TNFSF14: variants seen among roughly 807,000 people sequenced by gnomAD.
TNFSF14 encodes tumor necrosis factor ligand superfamily member 14.
TNFSF14 carries 15 observed loss-of-function variants against 22.7 expected under a neutral mutation model. The ratio of observed to expected loss-of-function variants is 0.66; its 90% CI spans 0.44 to 1.02. The LOEUF (loss-of-function observed/expected upper bound fraction) is 1.02. Among genes scored for constraint, TNFSF14 ranks in the 50% least tolerant of loss-of-function variants. The pLI is 0.00. For synonymous variants in TNFSF14, 133 were observed against 139.6 expected (o/e 0.95, Z 0.33); for missense variants, 287 against 326.2 (o/e 0.88, Z 0.93).
chr19:6,665,701 G>A (rs1217722912), intron 3 of TNFSF14, among the ~76,000 whole-genome samples: 1 of 151,820 alleles, frequency 6.6e-6, no homozygotes, highest in Non-Finnish European at 1.5e-5. Context: ...GAGCCACCAC[G>A]CCCGGCCTCA....
intron 1 of TNFSF14, among the ~76,000 whole-genome samples, chr19:6,669,354 A>G (rs1568203991): frequency 6.6e-6 from 1 of 152,156 alleles, no homozygotes; most frequent in Non-Finnish European, 1.5e-5. Context: ...GTGGTGGCGC[A>G]TGCCTGTAAT....
In TNFSF14 at chr19:6,667,442, G is replaced by T; in HGVS notation, c.227C>A (p.Pro76His). 6.4e-7 allele frequency: 1 copy of T among 1,563,616 alleles called. No individual in the cohort carries two copies. The highest frequency in any genetic ancestry group is 8.6e-7 in the Non-Finnish European group (1 of 1,163,718). Residue 76 changes from proline (P) to histidine (H), a missense_variant, in exon 2 of 4, where the codon CCT (proline) becomes CAT (histidine). Physicochemically the swap from Pro to His is moderately conservative, Grantham distance 77. Coordinates refer to ENST00000675206, the MANE Select transcript of TNFSF14 (RefSeq NM_001376887.1). ...GEMVTRLPDGPAGSWEQLIQE... is the reference protein window; with the variant it reads ...GEMVTRLPDGHAGSWEQLIQE... Reference sequence around the variant, plus strand: ...TATCAGCTGCTCCCAGGAGCCTGCAGGTCCGTCCTGAAAATGCAGAAGGGG... The same window carrying T: ...TATCAGCTGCTCCCAGGAGCCTGCATGTCCGTCCTGAAAATGCAGAAGGGG...
chr19:6,670,182 G>A (rs1017847386), upstream of TNFSF14: 61 of 1,488,334 alleles, frequency 4.1e-5, no homozygotes, highest in Middle Eastern at 4.0e-4. Context: ...CCCGTGGGCC[G>A]CCTTTAGAGC....
At chr19:6,668,921 A>T (rs1261726803) in intron 1 of TNFSF14, among the ~76,000 whole-genome samples, 1 of 152,196 alleles carries the variant, frequency 6.6e-6, no homozygotes, top group Non-Finnish European at 1.5e-5. Context: ...ACGTGAATAC[A>T]CCGGCTGCAG....
chr19:6,661,981 T>G lies in TNFSF14; in HGVS notation c.*2945A>C, dbSNP rs1665933854. On this transcript the variant is annotated 3_prime_UTR_variant, in exon 4 of 4. Coordinates refer to ENST00000675206, the MANE Select transcript of TNFSF14 (RefSeq NM_001376887.1). The stretch of plus-strand genomic sequence containing the variant: ...ACTGCAATCTATCACATGTGATGAG[T>G]TGTGGAATTTCCCACTTGTGGCATC... 6.6e-6 allele frequency: 1 copy of G among 152,268 alleles called. No homozygotes were observed. Among genetic ancestry groups the G allele is most frequent in the Admixed American group, 6.5e-5 (1 of 15,286 alleles). The allele number at this position is 152,268 out of a possible 1,614,324, so 9.4% of individuals were successfully genotyped here.
chr19:6,669,755 C>T, intron 1 of TNFSF14, 96 bp downstream of exon 1: 1 of 1,524,130 alleles, frequency 6.6e-7, no homozygotes, highest in Non-Finnish European at 8.8e-7. Flanking sequence ...CACACACACA[C>T]ACACACACAC....
In TNFSF14 at chr19:6,663,744, A is replaced by G. The variant is rs1390892293; in HGVS notation, c.*1182T>C. ...TCTGGCACTTCGCGTGTATGAGTCT[A>G]TAGTTGTGAAAGAGTGGCTGAGATT... On this transcript the variant is annotated 3_prime_UTR_variant, in exon 4 of 4. Transcript: ENST00000675206. The G allele has an allele frequency of 6.6e-6, 1 of 152,360 alleles. No homozygotes were observed. The highest frequency in any genetic ancestry group is 1.5e-5 in the Non-Finnish European group (1 of 68,040). 9.4% of individuals were successfully genotyped at this position (152,360 alleles called of 1,614,324 possible). A position where few individuals can be genotyped will look rare whatever the true frequency, so the allele number is the denominator to read the frequency against.
intron 1 of TNFSF14, 117 bp downstream of exon 1, chr19:6,669,734 T>C (rs1356560028): frequency 7.4e-7 from 1 of 1,360,024 alleles, no homozygotes; most frequent in African/African-American, 1.6e-5. Flanking sequence ...CTGTGCCCTG[T>C]CCTACACACA....
chr19:6,667,264 T>C (rs1599487599), intron 2 of TNFSF14, 110 bp from the exon 3 acceptor site: 1 of 1,434,678 alleles, frequency 7.0e-7, no homozygotes. Context: ...CCTTCCGGAG[T>C]GACCCAAACT....
intron 1 of TNFSF14, among the ~76,000 whole-genome samples, chr19:6,669,612 C>T (rs1306676163): frequency 6.6e-6 from 1 of 152,112 alleles, no homozygotes; most frequent in Non-Finnish European, 1.5e-5. Flanking sequence ...CATACTTCGT[C>T]CCCTATGAAG....
chr19:6,669,452 C>T (rs992877561), intron 1 of TNFSF14, among the ~76,000 whole-genome samples: 6 of 152,164 alleles, frequency 3.9e-5, no homozygotes, highest in Admixed American at 3.3e-4. Flanking sequence ...CATTGCACTC[C>T]AGCCTGGGCA....
chr19:6,662,975 T>A lies in TNFSF14; in HGVS notation c.*1951A>T, dbSNP rs1917284875. 6.6e-6 allele frequency: 1 copy of A among 152,370 alleles called. No individual in the cohort carries two copies. The highest frequency in any genetic ancestry group is 3.4e-3 in the Middle Eastern group (1 of 294). 9.4% of individuals were successfully genotyped at this position (152,370 alleles called of 1,614,324 possible). On this transcript the variant is annotated 3_prime_UTR_variant, in exon 4 of 4. Coordinates refer to ENST00000675206, the MANE Select transcript of TNFSF14 (RefSeq NM_001376887.1). The stretch of plus-strand genomic sequence containing the variant: ...GGGTCCAGGTTCCTCATCTGTAGAA[T>A]GACCTCCATGGGTCATTACCTCCAT...
chr19:6,666,446 A>T (rs1917430612), intron 3 of TNFSF14, among the ~76,000 whole-genome samples: 2 of 152,000 alleles, frequency 1.3e-5, no homozygotes, highest in Non-Finnish European at 2.9e-5. Flanking sequence ...AAAACCAAGA[A>T]ACCAAAGCGG....
At position 6,666,350 on chromosome 19, in the gene TNFSF14, C is replaced by T. The variant is rs138831688; in HGVS notation, c.298+763G>A. ...CTGGCAAGTTGAGGGTGCCGTGAGCCGTGATAGCACCACTCCAGCCTAGTT... is the reference window on the plus strand; with the variant it reads ...CTGGCAAGTTGAGGGTGCCGTGAGCTGTGATAGCACCACTCCAGCCTAGTT... On this transcript the variant is annotated intron_variant, in intron 3 of 3. Coordinates refer to ENST00000675206, the MANE Select transcript of TNFSF14 (RefSeq NM_001376887.1). Among the ~76,000 whole-genome samples the T allele has an allele frequency of 8.2e-5, 12 of 146,130 alleles. No homozygotes were observed. In the East Asian group the frequency reaches 1.8e-3, roughly 22 times the overall value.
chr19:6,669,231 C>G (rs1917521037), intron 1 of TNFSF14, among the ~76,000 whole-genome samples: 1 of 152,210 alleles, frequency 6.6e-6, no homozygotes, highest in Non-Finnish European at 1.5e-5. Context: ...CACCTGTAAT[C>G]CCAGCACTTT....
chr19:6,663,818 A>G lies in TNFSF14; in HGVS notation c.*1108T>C, dbSNP rs1917322970. ...TGGGATGCCATAGGTGTGACTGTAG[A>G]GTCATTCTTCCTTCCTTTCAATCAG... On this transcript the variant is annotated 3_prime_UTR_variant, in exon 4 of 4. Transcript: ENST00000675206. The G allele has an allele frequency of 6.6e-6, 1 of 152,234 alleles. No individual in the cohort carries two copies. The highest frequency in any genetic ancestry group is 6.6e-5 in the Admixed American group (1 of 15,266). The allele number at this position is 152,234 out of a possible 1,614,324, so 9.4% of individuals were successfully genotyped here. A position where few individuals can be genotyped will look rare whatever the true frequency, so the allele number is the denominator to read the frequency against.
chr19:6,665,184 C>G lies in TNFSF14; in HGVS notation c.465G>C (p.Pro155=). ...GGGTGATGGTGCTGGCCAGGCCCAG[C>G]GGGCAGCCCACACCGCCCAGCTGCA... ...SKVQLGGVGC[P]LGLASTITHG... The change falls in exon 4 of 4, where the codon CCG becomes CCC. Residue 155 remains proline, a synonymous_variant. Coordinates refer to ENST00000675206, the MANE Select transcript of TNFSF14 (RefSeq NM_001376887.1). 6.2e-7 allele frequency: 1 copy of G among 1,614,118 alleles called. No individual in the cohort carries two copies. The highest frequency in any genetic ancestry group is 8.5e-7 in the Non-Finnish European group (1 of 1,180,010).
rs762954761 is a variant in TNFSF14 at position 6,670,099 on chromosome 19, G to A, written c.-30C>T. The A allele has an allele frequency of 3.0e-5, 49 of 1,606,610 alleles. No individual in the cohort carries two copies. The highest frequency in any genetic ancestry group is 4.4e-5 in the South Asian group (4 of 90,988). ...AAGGTGTCTGGAGCAGGGCTGACAC[G>A]CCTGGGTCCTTCAACCTCAGAGGAA... On this transcript the variant is annotated 5_prime_UTR_variant, in exon 1 of 4. Coordinates refer to ENST00000675206, the MANE Select transcript of TNFSF14 (RefSeq NM_001376887.1).
rs756119133 is a variant in TNFSF14 at position 6,664,939 on chromosome 19, G to A, written c.710C>T (p.Ala237Val). The change falls in exon 4 of 4, where the codon GCT becomes GTT. Residue 237 changes from alanine (A) to valine (V), a missense_variant. Transcript: ENST00000675206. The surrounding 1 kb of genome is among the most constrained non-coding windows in gnomAD (Gnocchi z 4.7). ...ACGCTCCTTCCTTCACACCATGAAAGCCCCGAAGTAAGACCGGGTACCATC... is the reference window on the plus strand; with the variant it reads ...ACGCTCCTTCCTTCACACCATGAAAACCCCGAAGTAAGACCGGGTACCATC... ...LRDGTRSYFG[A>V]FMV 11 of 1,593,152 alleles carry A rather than the reference G, an allele frequency of 6.9e-6. No homozygotes were observed. In the South Asian group the frequency reaches 1.2e-4, roughly 18 times the overall value.
Sources: allele counts gnomAD v4.1 joint callset (sites outside exome capture counted in the v4.1 genomes callset), GRCh38; gene constraint gnomAD v4.1.1; non-coding constraint Gnocchi (gnomAD v3.1); transcripts MANE v1.5; gene names NCBI Gene and HGNC (gene_info 2026-07-23, HGNC 2026-07-21).